The following CLPTM1L variants were observed in gnomAD, a reference collection of about 807,000 sequenced individuals.
CLPTM1L encodes the protein lipid scramblase CLPTM1L.
Under a neutral mutation model 70.9 loss-of-function variants are expected in CLPTM1L, and 38 were observed. That is an observed-to-expected ratio of 0.54 (90% CI 0.41 to 0.70). CLPTM1L has a LOEUF of 0.70. CLPTM1L is among the 30% of genes least tolerant of loss of function. The pLI, the probability that CLPTM1L is intolerant of heterozygous loss-of-function variation, is 0.00. For missense variants in CLPTM1L, 652 were observed against 705.9 expected (o/e 0.92, Z 0.87); for synonymous variants, 339 against 299.9 (o/e 1.13, Z -1.35).
chr5:1,340,818 T>A (rs1753893580), intron 3 of CLPTM1L, among the ~76,000 whole-genome samples: 1 of 152,226 alleles, frequency 6.6e-6, no homozygotes, highest in African/African-American at 2.4e-5. Flanking sequence ...AGTCTCCCTC[T>A]GTCGCCCAGG....
chr5:1,329,057 G>A (rs1049831577), intron 9 of CLPTM1L, among the ~76,000 whole-genome samples: 17 of 152,212 alleles, frequency 1.1e-4, no homozygotes, highest in Admixed American at 1.1e-3. Flanking sequence ...CCCACAGGTG[G>A]GCCACCAACT....
At chr5:1,325,590 A>G (rs1346433945) in intron 10 of CLPTM1L, 161 bp downstream of exon 10, 2 of 668,756 alleles carry the variant, frequency 3.0e-6, no homozygotes, top group Non-Finnish European at 5.5e-6. Context: ...AGGCGAAGAG[A>G]GTGGCTGCGA....
At chr5:1,333,663 C>G (rs56190840) in intron 7 of CLPTM1L, among the ~76,000 whole-genome samples, 1 of 49,990 alleles carries the variant, frequency 2.0e-5, no homozygotes, top group Non-Finnish European at 4.0e-5. Context: ...TACACACCGG[C>G]TGAGGATAAG....
In CLPTM1L at chr5:1,320,623, G is replaced by A. The variant is rs199514346; in HGVS notation, c.1525C>T (p.Gln509Ter). ...ATACGCAGCCGCACTCACCACCGCT[G>A]GTACAGGTAGACCAGAAACACCACG... ...DDVVFLVYLYQRWLYPVDKRR... is the reference protein window; with the variant it reads ...DDVVFLVYLY The change falls in exon 16 of 17, where the codon CAG becomes TAG. Residue 509 changes from glutamine (Q) to a stop codon, truncating the protein, a stop_gained. Transcript: ENST00000320895. LOFTEE classifies it high-confidence loss of function. 4.6e-6 allele frequency: 7 copies of A among 1,535,916 alleles called. No individual in the cohort carries two copies. Among genetic ancestry groups the A allele is most frequent in the Non-Finnish European group, 1.8e-6 (2 of 1,137,260 alleles).
intron 4 of CLPTM1L, 116 bp from the exon 5 acceptor site, chr5:1,338,098 T>G (rs1753697597): frequency 7.5e-6 from 6 of 796,964 alleles, no homozygotes; most frequent in Non-Finnish European, 1.3e-5. Context: ...CACCCTCAAC[T>G]GCTTCTCAGT....
At chr5:1,330,537 C>A in intron 8 of CLPTM1L, 154 bp from the exon 9 acceptor site, 1 of 612,174 alleles carries the variant, frequency 1.6e-6, no homozygotes, top group Non-Finnish European at 3.0e-6. Context: ...TTAAAAAGAA[C>A]AATGAAGCAT....
intron 12 of CLPTM1L, among the ~76,000 whole-genome samples, chr5:1,323,506 G>A (rs1173559194): frequency 1.3e-5 from 2 of 151,828 alleles, no homozygotes; most frequent in African/African-American, 2.4e-5. Flanking sequence ...CACCCCACAC[G>A]GGCAGCAGAG....
At chr5:1,338,655 A>G (rs1313337064) in intron 4 of CLPTM1L, among the ~76,000 whole-genome samples, 1 of 152,238 alleles carries the variant, frequency 6.6e-6, no homozygotes, top group Non-Finnish European at 1.5e-5. Context: ...AGGATGCTCC[A>G]GCTTGAATTC....
At chr5:1,331,403 A>G (rs944992511) in intron 8 of CLPTM1L, 2 of 248,454 alleles carry the variant, frequency 8.0e-6, no homozygotes, top group Non-Finnish European at 1.6e-5. Flanking sequence ...CGGGGAAGGA[A>G]CACCGGCGGG....
rs533685100 is a variant in CLPTM1L, at chr5:1,336,062, C to T, written c.679-888G>A. 2.0e-5 allele frequency among the ~76,000 whole-genome samples: 3 copies of T among 152,390 alleles called. No individual in the cohort carries two copies. In the East Asian group the frequency reaches 5.8e-4, roughly 29 times the overall value. On this transcript the variant is annotated intron_variant, in intron 5 of 16. Coordinates refer to ENST00000320895, the MANE Select transcript of CLPTM1L (RefSeq NM_030782.5). ...GTGGTGGAATCAGAGCCACAACCAG[C>T]AGGTGCCAGGTTGCCCTGAGAGCGG...
In CLPTM1L at chr5:1,331,838, T is replaced by C. The variant is rs1239876270; in HGVS notation, c.937A>G (p.Lys313Glu). The C allele has an allele frequency of 1.2e-6, 2 of 1,613,372 alleles. No individual in the cohort carries two copies. The highest frequency in any genetic ancestry group is 2.2e-5 in the South Asian group (2 of 91,086). ...ATGCCGATCATGCTCTTCTTCTTCT[T>C]CCAGAAACTGATGTCATTTTTAAAG... ...LAFKNDISFW[K>E]KKKSMIGMST... is the part of the protein sequence containing the mutation. Residue 313 changes from lysine (K) to glutamate (E), a missense_variant, in exon 8 of 17, where the codon AAG (lysine) becomes GAG (glutamate). Lys to Glu is a moderately conservative substitution (Grantham distance 56, BLOSUM62 1). Around this residue, in one of 3 missense-constraint regions of CLPTM1L, gnomAD observed 240 missense variants for 295.0 expected, o/e 0.81. Transcript: ENST00000320895.
chr5:1,324,496 G>A (rs1263231049), intron 11 of CLPTM1L, among the ~76,000 whole-genome samples: 4 of 152,238 alleles, frequency 2.6e-5, no homozygotes, highest in African/African-American at 9.6e-5. Flanking sequence ...CCTGGCGAAT[G>A]TGACTTACAA....
chr5:1,328,487 C>G (rs1308307693), intron 9 of CLPTM1L, among the ~76,000 whole-genome samples: 1 of 149,482 alleles, frequency 6.7e-6, no homozygotes, highest in Non-Finnish European at 1.5e-5. Flanking sequence ...TTCCATCCAG[C>G]TCCTCCTCTA....
At chr5:1,324,944 C>T in intron 10 of CLPTM1L, 131 bp from the exon 11 acceptor site, 2 of 778,564 alleles carry the variant, frequency 2.6e-6, no homozygotes, top group East Asian at 2.6e-5. Context: ...CGCTCAGGTC[C>T]CTACCAGGCG....
At position 1,318,957 on chromosome 5, in the gene CLPTM1L, C is replaced by T. The variant is rs762316398; in HGVS notation, c.1533-504G>A. On this transcript the variant is annotated intron_variant, in intron 16 of 16. Coordinates refer to ENST00000320895, the MANE Select transcript of CLPTM1L (RefSeq NM_030782.5). This position sits in a 1 kb window ranked among gnomAD's most constrained non-coding sequence, Gnocchi z 8.9. ...CATAAGGGGCAGCTCTACACGGCCGCGAACAGAAGTACAGGGTTTCAGCTT... is the reference window on the plus strand; with the variant it reads ...CATAAGGGGCAGCTCTACACGGCCGTGAACAGAAGTACAGGGTTTCAGCTT... 2.0e-5 allele frequency among the ~76,000 whole-genome samples: 3 copies of T among 152,180 alleles called. No homozygotes were observed. The highest frequency in any genetic ancestry group is 1.5e-5 in the Non-Finnish European group (1 of 68,030).
intron 5 of CLPTM1L, among the ~76,000 whole-genome samples, chr5:1,336,237 T>G (rs1753570608): frequency 6.6e-6 from 1 of 152,254 alleles, no homozygotes; most frequent in Non-Finnish European, 1.5e-5. Flanking sequence ...GCCGACTTCC[T>G]GCACCTGCTG....
intron 7 of CLPTM1L, 57 bp from the exon 8 acceptor site, chr5:1,331,940 A>G (rs1753119619): frequency 1.4e-6 from 2 of 1,408,808 alleles, no homozygotes; most frequent in Non-Finnish European, 2.0e-6. Flanking sequence ...ATCTCCTGTG[A>G]GACAGAGATA....
At chr5:1,331,499 C>T in intron 8 of CLPTM1L, 1 of 495,914 alleles carries the variant, frequency 2.0e-6, no homozygotes, top group South Asian at 3.2e-5. Context: ...CTCGAGAGGT[C>T]CATGCATCTC....
chr5:1,333,963 G>A (rs965412361), intron 7 of CLPTM1L, among the ~76,000 whole-genome samples: 7 of 152,118 alleles, frequency 4.6e-5, no homozygotes, highest in African/African-American at 1.7e-4. Flanking sequence ...TGAGATGCCT[G>A]CACCTATTCA....
Sources: allele counts gnomAD v4.1 joint callset (sites outside exome capture counted in the v4.1 genomes callset), GRCh38; gene constraint gnomAD v4.1.1; regional missense constraint gnomAD v4.1.1; non-coding constraint Gnocchi (gnomAD v3.1); transcripts MANE v1.5; gene names NCBI Gene and HGNC (gene_info 2026-07-23, HGNC 2026-07-21).